Variants in ZFYVE26 observed in about 807,000 individuals in gnomAD.
ZFYVE26 encodes the protein zinc finger FYVE domain-containing protein 26.
A neutral mutation model predicts 276.5 loss-of-function variants in ZFYVE26; 181 were observed. That is an observed-to-expected ratio of 0.65 (90% CI 0.58 to 0.74). ZFYVE26 has a LOEUF of 0.74. Ranked by LOEUF, ZFYVE26 falls within the 30% of genes least tolerant of loss-of-function variation. The pLI is 0.00. For missense variants in ZFYVE26, 2,821 were observed against 3,097.9 expected, an observed-to-expected ratio of 0.91 and a Z score of 2.12; for synonymous variants, 1,129 against 1,203.1, an observed-to-expected ratio of 0.94 and a Z score of 1.27.
At chr14:67,785,409 A>G (rs1233431901) in intron 18 of ZFYVE26, 132 bp from the exon 19 acceptor site, 16 of 809,612 alleles carry the variant, frequency 2.0e-5, no homozygotes, top group Middle Eastern at 3.5e-4. Flanking sequence ...TGGACACTAC[A>G]CTTACAAGGC....
chr14:67,785,425 T>C, intron 18 of ZFYVE26, 148 bp from the exon 19 acceptor site: 1 of 780,422 alleles, frequency 1.3e-6, no homozygotes, highest in Non-Finnish European at 2.1e-6. Context: ...AAGGCAAATA[T>C]AAAATCCTAA....
chr14:67,732,536 C>CAA (rs11408156), intron 13 of ZFYVE26, among the ~76,000 whole-genome samples: 5,227 of 130,020 alleles, frequency 0.04, 188 homozygotes, highest in East Asian at 0.12. Context: ...CCAAACAAAG[C>CAA]AAAAAAAAAA....
Position 67,785,995 on chromosome 14 carries a change from G to A in ZFYVE26, c.3167C>T (p.Pro1056Leu), listed in dbSNP as rs938446961. The A allele has an allele frequency of 1.9e-6, 3 of 1,614,080 alleles. No individual in the cohort carries two copies. Among genetic ancestry groups the A allele is most frequent in the African/African-American group, 2.7e-5 (2 of 74,926 alleles). ...CAGTTCAGTGATGCTGCACCGTGGA[G>A]GGCCTCCTCCCTTTTCTTCCACACT... The part of the protein sequence containing the change: ...SESVEEKGGG[P>L]PRCSITELLQ... The change falls in exon 18 of 42, where the codon CCT becomes CTT. Residue 1056 changes from proline (P) to leucine (L), a missense_variant. Transcript: ENST00000347230.
At chr14:67,759,639 A>AAAAAAGG (rs2038883258) in intron 35 of ZFYVE26, among the ~76,000 whole-genome samples, 5 of 150,934 alleles carry the variant, frequency 3.3e-5, no homozygotes, top group African/African-American at 4.9e-5. Context: ...AAAAAAAAAA[A>AAAAAAGG]GTGCATGGTA....
chr14:67,807,245 T>C (rs1232232521), intron 5 of ZFYVE26, among the ~76,000 whole-genome samples, 153 bp downstream of exon 5: 2 of 152,204 alleles, frequency 1.3e-5, no homozygotes, highest in Non-Finnish European at 2.9e-5. Flanking sequence ...ATGCCAGGCC[T>C]GTACTTTTAC....
intron 10 of ZFYVE26, among the ~76,000 whole-genome samples, chr14:67,801,399 A>T (rs2040075799): frequency 6.6e-6 from 1 of 152,170 alleles, no homozygotes. Context: ...TTTACTCCTC[A>T]ATTCTATTTC....
chr14:67,781,134 A>G (rs767087290), intron 22 of ZFYVE26, among the ~76,000 whole-genome samples, 199 bp downstream of exon 22: 4 of 152,202 alleles, frequency 2.6e-5, no homozygotes, highest in Non-Finnish European at 4.4e-5. Context: ...ATGCAAATGT[A>G]TTTAAAATTA....
Position 67,772,144 on chromosome 14 carries a change from T to C in ZFYVE26, c.5387A>G (p.Glu1796Gly). The C allele has an allele frequency of 6.2e-7, 1 of 1,613,224 alleles. No homozygotes were observed. The highest frequency in any genetic ancestry group is 8.5e-7 in the Non-Finnish European group (1 of 1,179,836). The change falls in exon 28 of 42, where the codon GAA (glutamate) becomes GGA (glycine). Residue 1796 changes from glutamate (E) to glycine (G), a missense_variant. Glu to Gly is a moderately conservative substitution (Grantham distance 98). Transcript: ENST00000347230. Reference protein sequence around the residue: ...RSFPPTQPSQEFVPPATPPAR... With the variant: ...RSFPPTQPSQGFVPPATPPAR... Reference sequence around the variant, plus strand: ...AGGGGGTGTCGCTGGGGGCACAAATTCCTGTGAGGGCTGGGTTGGTGGGAA... The same window carrying C: ...AGGGGGTGTCGCTGGGGGCACAAATCCCTGTGAGGGCTGGGTTGGTGGGAA...
chr14:67,788,404 A>C (rs2039712224), intron 16 of ZFYVE26, among the ~76,000 whole-genome samples: 1 of 152,120 alleles, frequency 6.6e-6, no homozygotes, highest in African/African-American at 2.4e-5. Flanking sequence ...TCAAAAACAC[A>C]AACAAACAAA....
intron 32 of ZFYVE26, 72 bp from the exon 33 acceptor site, chr14:67,762,891 C>T: frequency 1.3e-6 from 2 of 1,589,430 alleles, no homozygotes; most frequent in South Asian, 2.2e-5. Context: ...TAAAGGTTTC[C>T]TATTCCATTT....
downstream of ZFYVE26, among the ~76,000 whole-genome samples, chr14:67,741,632 T>A (rs1035254080): frequency 1.3e-5 from 2 of 152,220 alleles, no homozygotes; most frequent in Non-Finnish European, 2.9e-5. Flanking sequence ...TTATAAAGTA[T>A]TTGAGAAAGT....
chr14:67,805,453 C>T lies in ZFYVE26; in HGVS notation c.1182+1G>A. On this transcript the variant is annotated splice_donor_variant, in intron 7 of 41. Transcript: ENST00000347230. LOFTEE classifies it high-confidence loss of function. ...AGCCTGGGATGCTGAGTGAGAGTTA[C>T]CTGGGTCCTGTGCAGGGTCTGGAGC... 6.2e-7 allele frequency: 1 copy of T among 1,614,168 alleles called. No homozygotes were observed. Among genetic ancestry groups the T allele is most frequent in the Non-Finnish European group, 8.5e-7 (1 of 1,180,026 alleles).
In ZFYVE26 at chr14:67,746,705, G is replaced by A. The variant is rs1399810181; in HGVS notation, c.*1731C>T. The A allele has an allele frequency of 6.6e-6, 1 of 152,536 alleles. No homozygotes were observed. The highest frequency in any genetic ancestry group is 1.9e-4 in the East Asian group (1 of 5,198). The allele number at this position is 152,536 out of a possible 1,614,324, so 9.4% of individuals were successfully genotyped here. Reference sequence around the variant, plus strand: ...AATTTGATAGTTCAATGAGTTAGAGGAAAATGTCAGGAAAATCTGGTCTTA... The same window carrying A: ...AATTTGATAGTTCAATGAGTTAGAGAAAAATGTCAGGAAAATCTGGTCTTA... On this transcript the variant is annotated 3_prime_UTR_variant, in exon 42 of 42. Coordinates refer to ENST00000347230, the MANE Select transcript of ZFYVE26 (RefSeq NM_015346.4).
downstream of ZFYVE26, among the ~76,000 whole-genome samples, chr14:67,744,165 T>A (rs1006550682): frequency 6.6e-6 from 1 of 152,162 alleles, no homozygotes; most frequent in Admixed American, 6.5e-5. Flanking sequence ...GCTTGGGTAT[T>A]CAAAGAGTCT....
In ZFYVE26 at chr14:67,815,892, C is replaced by G; in HGVS notation, c.72G>C (p.Leu24=). Residue 24 remains leucine, a synonymous_variant, in exon 2 of 42, where the codon CTG becomes CTC. Coordinates refer to ENST00000347230, the MANE Select transcript of ZFYVE26 (RefSeq NM_015346.4). ...KQLFGFFCEC[L]RRGEWELAQA... ...GTGCCAGCTCCCATTCTCCCCTCCG[C>G]AGGCATTCGCAGAAAAATCCAAAAA... The G allele has an allele frequency of 6.2e-7, 1 of 1,614,066 alleles. No individual in the cohort carries two copies.
chr14:67,810,371 G>A (rs373346925), intron 3 of ZFYVE26, among the ~76,000 whole-genome samples: 4 of 152,288 alleles, frequency 2.6e-5, no homozygotes, highest in African/African-American at 9.6e-5. Flanking sequence ...AACAGTATAA[G>A]GGGAGAAATC....
At position 67,804,274 on chromosome 14, in the gene ZFYVE26, A is replaced by G. The variant is rs773153713; in HGVS notation, c.1272-10T>C. ...CTTTGGTATGGGGTTGCTGAATGGA[A>G]AAGTTGGGAGGATGGAAGAGAGGCA... On this transcript the variant is annotated splice_polypyrimidine_tract_variant and intron_variant, in intron 8 of 41. Coordinates refer to ENST00000347230, the MANE Select transcript of ZFYVE26 (RefSeq NM_015346.4). 2.7e-5 allele frequency: 44 copies of G among 1,614,030 alleles called. No homozygotes were observed. Among genetic ancestry groups the G allele is most frequent in the Non-Finnish European group, 3.6e-5 (43 of 1,180,024 alleles).
At chr14:67,744,799 T>C (rs370680276), downstream of ZFYVE26, among the ~76,000 whole-genome samples, 4 of 152,228 alleles carry the variant, frequency 2.6e-5, no homozygotes, top group East Asian at 5.8e-4. Flanking sequence ...ACATTTTCTT[T>C]ATCCATTCTA....
Position 67,802,113 on chromosome 14 carries a change from A to G in ZFYVE26, c.1605T>C (p.Ala535=), listed in dbSNP as rs774824327. The G allele has an allele frequency of 3.1e-6, 5 of 1,613,712 alleles. No homozygotes were observed. In the South Asian group the frequency reaches 5.5e-5, roughly 18 times the overall value. ...AGAGAGAGTCATTCGCTGGCTCTGT[A>G]GCTGAGGCCAGGTCCTCAGAGAGGC... ...KDSLSEDLAS[A]TEPANDSLSS... Residue 535 remains alanine, a synonymous_variant, in exon 10 of 42, where the codon GCT becomes GCC. Transcript: ENST00000347230.
Sources: gnomAD v4.1 joint callset for allele counts (sites outside exome capture counted in the v4.1 genomes callset) on GRCh38, gnomAD v4.1.1 for gene constraint, MANE v1.5 for transcripts, NCBI Gene and HGNC (gene_info 2026-07-23, HGNC 2026-07-21) for gene names.